SBK1: variants seen among roughly 807,000 people sequenced by gnomAD.
SBK1 encodes the protein serine/threonine-protein kinase SBK1.
A neutral mutation model predicts 24.4 loss-of-function variants in SBK1; 11 were observed. The observed-to-expected ratio is 0.45, with a 90% CI of 0.28 to 0.75. The LOEUF is 0.75. Ranked by LOEUF, SBK1 falls within the 30% of genes least tolerant of loss-of-function variation. The pLI is 0.12. For synonymous variants in SBK1, 308 were observed against 284.4 expected (o/e 1.08, Z -0.83); for missense variants, 467 against 620.5 (o/e 0.75, Z 2.63).
chr16:28,283,198 T>C (rs1381074449), intron 1 of SBK1, among the ~76,000 whole-genome samples: 1 of 152,112 alleles, frequency 6.6e-6, no homozygotes, highest in Admixed American at 6.6e-5. Context: ...CCCAAAATGC[T>C]GGGATTACAA....
intron 1 of SBK1, among the ~76,000 whole-genome samples, chr16:28,269,605 T>C (rs1053498126): frequency 2.0e-5 from 3 of 151,170 alleles, no homozygotes; most frequent in African/African-American, 7.3e-5. Flanking sequence ...TGGTGGCTCA[T>C]GCCTGTAATC....
At chr16:28,292,491 G>A, upstream of SBK1, 2 of 968,402 alleles carry the variant, frequency 2.1e-6, no homozygotes, top group Non-Finnish European at 2.4e-6. Flanking sequence ...CGGGCCGGGC[G>A]GGCAGGTGCG....
chr16:28,264,762 AAG>A (rs1190899763), intron 1 of SBK1, among the ~76,000 whole-genome samples: 3 of 152,062 alleles, frequency 2.0e-5, no homozygotes, highest in African/African-American at 4.8e-5. Flanking sequence ...TCACACGGGA[AAG>A]AGGGGAGGGA....
rs957113900 is a variant in SBK1 at position 28,293,008 on chromosome 16, A to G, written c.-300A>G. The stretch of plus-strand genomic sequence containing the variant: ...GGTCATTACAACTCCACACCTCAAG[A>G]CAAGAAGACCCAGCTCAGAACGCCC... On this transcript the variant is annotated 5_prime_UTR_variant, in exon 1 of 4. Transcript: ENST00000341901. The G allele has an allele frequency of 5.1e-6, 5 of 985,282 alleles. No homozygotes were observed. The highest frequency in any genetic ancestry group is 4.8e-6 in the Non-Finnish European group (4 of 829,946). 61.0% of individuals were successfully genotyped at this position (985,282 alleles called of 1,614,324 possible).
chr16:28,317,623 C>G lies in SBK1; in HGVS notation c.226+6C>G. The G allele has an allele frequency of 7.0e-7, 1 of 1,430,342 alleles. No homozygotes were observed. Among genetic ancestry groups the G allele is most frequent in the Non-Finnish European group, 9.7e-7 (1 of 1,027,044 alleles). 88.6% of individuals were successfully genotyped at this position (1,430,342 alleles called of 1,614,324 possible). ...GGTGGTCTACAAGGGCACAGGTGAA[C>G]AAGTGCAGGGTGGCAGGGCTGAGAG... On this transcript the variant is annotated splice_donor_region_variant and intron_variant, in intron 2 of 3. Transcript: ENST00000341901. The surrounding 1 kb of genome is among the most constrained non-coding windows in gnomAD (Gnocchi z 4.2).
At chr16:28,297,098 G>A (rs758971129) in intron 1 of SBK1, among the ~76,000 whole-genome samples, 4 of 152,200 alleles carry the variant, frequency 2.6e-5, no homozygotes, top group African/African-American at 7.2e-5. Flanking sequence ...GGGAGGCTGA[G>A]ACAGGTGGAT....
At chr16:28,266,371 A>AAAAAGAAAAGAAAAG (rs372380193) in intron 1 of SBK1, among the ~76,000 whole-genome samples, 4 of 152,166 alleles carry the variant, frequency 2.6e-5, no homozygotes, top group African/African-American at 9.6e-5. Context: ...TGTCTCTTAC[A>AAAAAGAAAAGAAAAG]AAAAGAAAAG....
chr16:28,299,958 A>T (rs1286102167), intron 1 of SBK1, among the ~76,000 whole-genome samples: 1 of 152,118 alleles, frequency 6.6e-6, no homozygotes, highest in African/African-American at 2.4e-5. Flanking sequence ...CTGCCAGGAG[A>T]GCCCGCCCAC....
Position 28,322,916 on chromosome 16 carries a change from C to T in SBK1, c.*1995C>T, listed in dbSNP as rs1205788694. The T allele has an allele frequency of 4.9e-5, 4 of 81,500 alleles. No individual in the cohort carries two copies. The highest frequency in any genetic ancestry group is 4.6e-4 in the Admixed American group (3 of 6,452). The allele number at this position is 81,500 out of a possible 1,614,324, so 5.0% of individuals were successfully genotyped here. ...TGCCGTGCTCGCTCTCTCTCTCGCG[C>T]GCGCTCTCTCTCTCCCTCTCTCTCT... is the stretch of plus-strand genomic sequence containing the variant. On this transcript the variant is annotated 3_prime_UTR_variant, in exon 4 of 4. Transcript: ENST00000341901.
intron 1 of SBK1, among the ~76,000 whole-genome samples, chr16:28,312,074 C>T (rs1482238981): frequency 1.3e-5 from 2 of 152,232 alleles, no homozygotes; most frequent in Non-Finnish European, 2.9e-5. Context: ...ACGTGGACCG[C>T]CCACCTCAGC....
Position 28,297,129 on chromosome 16 carries a change from C to T in SBK1, c.-8+3829C>T, listed in dbSNP as rs373336345. Among the ~76,000 whole-genome samples the T allele has an allele frequency of 1.2e-4, 18 of 151,760 alleles. 2 individuals carry two copies. Among genetic ancestry groups the T allele is most frequent in the East Asian group, 7.8e-4 (4 of 5,154 alleles). On this transcript the variant is annotated intron_variant, in intron 1 of 3. Coordinates refer to ENST00000341901, the MANE Select transcript of SBK1 (RefSeq NM_001024401.3). ...TGGATCATTTGAGGTCAGGAGTTTG[C>T]GACCAGCCTGGCCAACATGGTGAAA...
chr16:28,299,053 G>T (rs895404758), intron 1 of SBK1, among the ~76,000 whole-genome samples: 1 of 152,230 alleles, frequency 6.6e-6, no homozygotes, highest in African/African-American at 2.4e-5. Flanking sequence ...GTGCCTGCCA[G>T]CCCTGACCCT....
intron 1 of SBK1, among the ~76,000 whole-genome samples, chr16:28,276,872 G>A (rs919266311): frequency 6.6e-6 from 1 of 152,048 alleles, no homozygotes; most frequent in Non-Finnish European, 1.5e-5. Flanking sequence ...CACCGTGTTA[G>A]CCAGGATGGT....
chr16:28,296,033 C>T (rs1465819365), intron 1 of SBK1, among the ~76,000 whole-genome samples: 1 of 146,012 alleles, frequency 6.8e-6, no homozygotes. Flanking sequence ...TCAAGTGATT[C>T]TCCTGACTCA....
chr16:28,272,599 T>TTTTC (rs200394157), intron 1 of SBK1, among the ~76,000 whole-genome samples: 4,093 of 145,470 alleles, frequency 0.028, 285 homozygotes, highest in African/African-American at 0.11. Context: ...CACATATTTT[T>TTTTC]TTTCTTTCTT....
At chr16:28,272,617 T>TCC (rs2044472564) in intron 1 of SBK1, among the ~76,000 whole-genome samples, 1 of 133,390 alleles carries the variant, frequency 7.5e-6, no homozygotes, top group Non-Finnish European at 1.7e-5. Context: ...CTTTCTTTCT[T>TCC]TCTTTTTTTT....
At chr16:28,269,870 C>T (rs939189507) in intron 1 of SBK1, among the ~76,000 whole-genome samples, 3 of 151,844 alleles carry the variant, frequency 2.0e-5, no homozygotes, top group South Asian at 2.1e-4. Flanking sequence ...AGCAAGACTC[C>T]GTCTCAAACA....
intron 1 of SBK1, among the ~76,000 whole-genome samples, chr16:28,276,687 C>T (rs763904215): frequency 3.3e-5 from 5 of 151,158 alleles, no homozygotes; most frequent in Non-Finnish European, 5.9e-5. Context: ...TATTTAGGGG[C>T]GGAGTCTCAC....
intron 1 of SBK1, among the ~76,000 whole-genome samples, chr16:28,301,875 G>A (rs1421379321): frequency 6.6e-6 from 1 of 152,180 alleles, no homozygotes; most frequent in Non-Finnish European, 1.5e-5. Flanking sequence ...ACTGCCCAAG[G>A]TCACACAGCT....
Sources: allele counts gnomAD v4.1 joint callset (sites outside exome capture counted in the v4.1 genomes callset), GRCh38; gene constraint gnomAD v4.1.1; non-coding constraint Gnocchi (gnomAD v3.1); transcripts MANE v1.5; gene names NCBI Gene and HGNC (gene_info 2026-07-23, HGNC 2026-07-21).